Variants in ACTR3C observed in about 807,000 individuals in gnomAD.
ACTR3C encodes the protein actin-related protein 3C.
Under a neutral mutation model 26.3 loss-of-function variants are expected in ACTR3C, and 18 were observed. The ratio of observed to expected loss-of-function variants is 0.68; its 90% CI spans 0.47 to 1.01. The LOEUF (loss-of-function observed/expected upper bound fraction) is 1.01. Among genes scored for constraint, ACTR3C ranks in the 50% least tolerant of loss-of-function variants. The pLI is 0.00. For missense variants in ACTR3C, 184 were observed against 250.7 expected (o/e 0.73, Z 1.80); for synonymous variants, 55 against 94.5 (o/e 0.58, Z 2.42).
chr7:150,267,281 G>A (rs1366556147), intron 6 of ACTR3C, among the ~76,000 whole-genome samples: 12 of 152,350 alleles, frequency 7.9e-5, no homozygotes, highest in African/African-American at 2.2e-4. Flanking sequence ...TCAGTTACCC[G>A]TGGTCAGCCA....
chr7:150,024,935 C>T, the ACTR3C span, among the ~76,000 whole-genome samples: 1 of 151,826 alleles, frequency 6.6e-6, no homozygotes, highest in South Asian at 2.1e-4. Context: ...AGCAGCAAAG[C>T]GCAGGCGGCT....
At chr7:150,311,004 G>T (rs1326799582) in intron 1 of ACTR3C, among the ~76,000 whole-genome samples, 3 of 151,948 alleles carry the variant, frequency 2.0e-5, no homozygotes, top group Non-Finnish European at 4.4e-5. Flanking sequence ...AATCTCCCAG[G>T]CCCCTATCCC....
chr7:149,946,128 G>A, the ACTR3C span, among the ~76,000 whole-genome samples: 1 of 152,214 alleles, frequency 6.6e-6, no homozygotes, highest in Non-Finnish European at 1.5e-5. Flanking sequence ...ATGAATAAAT[G>A]TAGATATGAA....
chr7:149,987,347 C>G, the ACTR3C span, among the ~76,000 whole-genome samples: 2 of 150,806 alleles, frequency 1.3e-5, no homozygotes, highest in East Asian at 2.0e-4. Flanking sequence ...GGGTGGATCA[C>G]TTGAGGTCAG....
At chr7:150,044,333 CAATGAATTTTAAATCAG>C in the ACTR3C span, among the ~76,000 whole-genome samples, 1 of 152,134 alleles carries the variant, frequency 6.6e-6, no homozygotes, top group Non-Finnish European at 1.5e-5. Context: ...TAAACCTACA[CAATGAATTTTAAATCAG>C]AAGGGCTATT....
intron 6 of ACTR3C, among the ~76,000 whole-genome samples, chr7:150,273,994 G>A (rs1456803260): frequency 1.3e-5 from 2 of 152,052 alleles, no homozygotes; most frequent in South Asian, 2.1e-4. Context: ...TAAGCACCAC[G>A]GGTCAGCAAT....
rs570641240 is a variant in ACTR3C at position 150,276,611 on chromosome 7, G to A, written c.564+8142C>T. ...TCTCCAGGTCCAGCCCTCAACAGCC[G>A]CCTGATGGGAAGAGACATAACAATT... On this transcript the variant is annotated intron_variant, in intron 6 of 7. Coordinates refer to ENST00000683684, the MANE Select transcript of ACTR3C (RefSeq NM_001164458.2). 4.6e-5 allele frequency among the ~76,000 whole-genome samples: 7 copies of A among 152,326 alleles called. No individual in the cohort carries two copies. The South Asian group carries it at 6.2e-4, about 14-fold the overall frequency.
At chr7:149,992,975 C>A in the ACTR3C span, among the ~76,000 whole-genome samples, 1 of 151,734 alleles carries the variant, frequency 6.6e-6, no homozygotes, top group Admixed American at 6.6e-5. Flanking sequence ...AGTCCAAAGG[C>A]GGAGGAACCG....
the ACTR3C span, among the ~76,000 whole-genome samples, chr7:150,081,915 C>T: frequency 2.0e-5 from 3 of 151,974 alleles, no homozygotes; most frequent in African/African-American, 7.3e-5. Context: ...CCTGTATTTA[C>T]ATTCTGCTCA....
chr7:150,318,785 CAG>C (rs147852839), intron 1 of ACTR3C, among the ~76,000 whole-genome samples: 3,057 of 152,290 alleles, frequency 0.02, 106 homozygotes, highest in African/African-American at 0.07. Flanking sequence ...AAAGAACATA[CAG>C]AGTTTTTCAA....
chr7:150,320,712 G>A (rs529175239), intron 1 of ACTR3C, among the ~76,000 whole-genome samples: 2 of 152,284 alleles, frequency 1.3e-5, no homozygotes, highest in East Asian at 1.9e-4. Flanking sequence ...GCAGTGAGCC[G>A]AGATGGTGGC....
At chr7:150,301,953 G>C (rs938724979) in intron 1 of ACTR3C, among the ~76,000 whole-genome samples, 4 of 152,100 alleles carry the variant, frequency 2.6e-5, no homozygotes, top group African/African-American at 9.7e-5. Context: ...GGTGGCAATG[G>C]TTTGTGAATG....
the ACTR3C span, among the ~76,000 whole-genome samples, chr7:150,155,050 G>A: frequency 3.3e-5 from 5 of 152,072 alleles, no homozygotes; most frequent in African/African-American, 7.2e-5. Flanking sequence ...CATGAGAGAG[G>A]GTCAGGGTAA....
chr7:150,039,483 G>A, the ACTR3C span, among the ~76,000 whole-genome samples: 6 of 107,764 alleles, frequency 5.6e-5, no homozygotes, highest in African/African-American at 1.9e-4. Context: ...GCGGAAGAGG[G>A]GATAGCTCTC....
chr7:150,198,764 A>G, the ACTR3C span, among the ~76,000 whole-genome samples: 1 of 125,364 alleles, frequency 8.0e-6, no homozygotes, highest in Non-Finnish European at 1.6e-5. Context: ...GGGGGGGGTC[A>G]GCCCCCCGCC....
At chr7:150,200,101 A>G in the ACTR3C span, among the ~76,000 whole-genome samples, 1 of 152,242 alleles carries the variant, frequency 6.6e-6, no homozygotes, top group Non-Finnish European at 1.5e-5. Flanking sequence ...ATTCTACTGT[A>G]TGGTACCATT....
the ACTR3C span, among the ~76,000 whole-genome samples, chr7:150,037,093 G>T: frequency 1.8e-5 from 2 of 113,344 alleles, no homozygotes; most frequent in Non-Finnish European, 4.2e-5. Flanking sequence ...GTGCGATGGG[G>T]GTCCTAAGAG....
At chr7:149,910,572 C>G in the ACTR3C span, among the ~76,000 whole-genome samples, 4 of 151,680 alleles carry the variant, frequency 2.6e-5, no homozygotes, top group South Asian at 8.3e-4. Context: ...CTTATTAGGA[C>G]TACTCTAATT....
the ACTR3C span, among the ~76,000 whole-genome samples, chr7:150,036,019 G>T: frequency 7.9e-6 from 1 of 126,918 alleles, no homozygotes; most frequent in African/African-American, 3.3e-5. Context: ...CCCAGCGATG[G>T]GGTCCTAAGA....
Sources: gnomAD v4.1 joint callset for allele counts (sites outside exome capture counted in the v4.1 genomes callset) on GRCh38, gnomAD v4.1.1 for gene constraint, MANE v1.5 for transcripts, NCBI Gene and HGNC (gene_info 2026-07-23, HGNC 2026-07-21) for gene names.